The following ZBTB1 variants were observed in gnomAD, a reference collection of about 807,000 sequenced individuals.
ZBTB1 encodes the protein zinc finger and BTB domain-containing protein 1.
A neutral mutation model predicts 51.6 loss-of-function variants in ZBTB1; 13 were observed. That is an observed-to-expected ratio of 0.25 (90% CI 0.16 to 0.40). The LOEUF is 0.40. ZBTB1 is among the 10% of genes least tolerant of loss of function. The pLI, the probability that ZBTB1 is intolerant of heterozygous loss-of-function variation, is 1.00. For synonymous variants in ZBTB1, 240 were observed against 282.2 expected, an observed-to-expected ratio of 0.85 and a Z score of 1.50; for missense variants, 567 against 856.5, an observed-to-expected ratio of 0.66 and a Z score of 4.22.
chr14:64,506,550 A>G (rs549115236), intron 1 of ZBTB1, among the ~76,000 whole-genome samples: 1 of 152,290 alleles, frequency 6.6e-6, no homozygotes, highest in African/African-American at 2.4e-5. Context: ...ACAAACAACA[A>G]CAACAACAAA....
downstream of ZBTB1, among the ~76,000 whole-genome samples, chr14:64,525,976 C>T (rs960062487): frequency 2.0e-5 from 3 of 152,154 alleles, no homozygotes; most frequent in South Asian, 4.1e-4. Context: ...CATGCCACCA[C>T]GCCCGGCTAA....
At chr14:64,515,721 T>A (rs2079775780) in intron 1 of ZBTB1, among the ~76,000 whole-genome samples, 1 of 152,096 alleles carries the variant, frequency 6.6e-6, no homozygotes, top group Non-Finnish European at 1.5e-5. Context: ...AGGGTTTCAC[T>A]GTGTTAGCCA....
In ZBTB1 at chr14:64,532,059, C is replaced by T. The variant is rs191148869; in HGVS notation, c.*162C>T. The stretch of plus-strand genomic sequence containing the variant: ...TTCCAGTTGCAAAGATCCAAGAAAA[C>T]TCAGTAAAGATCACTTTGGAATCAC... On this transcript the variant is annotated 3_prime_UTR_variant, in exon 3 of 3. Coordinates refer to the ZBTB1 transcript ENST00000358738. 1.5e-5 allele frequency: 11 copies of T among 730,084 alleles called. No individual in the cohort carries two copies. In the East Asian group the frequency reaches 2.3e-4, roughly 15 times the overall value. 45.2% of individuals were successfully genotyped at this position (730,084 alleles called of 1,614,324 possible). A position where few individuals can be genotyped will look rare whatever the true frequency, so the allele number is the denominator to read the frequency against.
downstream of ZBTB1, among the ~76,000 whole-genome samples, chr14:64,525,149 T>A (rs2079894610): frequency 6.6e-6 from 1 of 152,156 alleles, no homozygotes; most frequent in African/African-American, 2.4e-5. Flanking sequence ...CCAAAAGAAC[T>A]GAGAGACATA....
In ZBTB1 at chr14:64,522,827, C is replaced by T; in HGVS notation, c.1323C>T (p.Ala441=). 6.2e-7 allele frequency: 1 copy of T among 1,614,120 alleles called. No homozygotes were observed. Among genetic ancestry groups the T allele is most frequent in the Non-Finnish European group, 8.5e-7 (1 of 1,180,018 alleles). Residue 441 remains alanine (A), a synonymous_variant, in exon 2 of 2, where the codon GCC becomes GCT. Coordinates refer to ENST00000683701, the MANE Select transcript of ZBTB1 (RefSeq NM_001123329.2). The part of the protein sequence containing the change: ...TEEDLSSHYL[A]KHIENICACG... ...AGGACCTGTCATCTCATTACTTAGCCAAACACATTGAAAATATCTGTGCAT... is the reference window on the plus strand; with the variant it reads ...AGGACCTGTCATCTCATTACTTAGCTAAACACATTGAAAATATCTGTGCAT...
intron 1 of ZBTB1, among the ~76,000 whole-genome samples, chr14:64,505,562 G>C (rs2079639392): frequency 6.6e-6 from 1 of 152,218 alleles, no homozygotes; most frequent in African/African-American, 2.4e-5. Context: ...AGCGGTGGGC[G>C]CTTACTAGAA....
chr14:64,507,104 T>G (rs1277854141), intron 1 of ZBTB1, among the ~76,000 whole-genome samples: 1 of 152,148 alleles, frequency 6.6e-6, no homozygotes, highest in Admixed American at 6.5e-5. Context: ...AAGCCTTTGG[T>G]GCAAAGGAGA....
chr14:64,533,527 G>A (rs964359813), exon 3 of ZBTB1: 1 of 152,388 alleles, frequency 6.6e-6, no homozygotes, highest in Non-Finnish European at 1.5e-5. Flanking sequence ...TAAATGTAAT[G>A]AATTATAATA....
rs887632211 is a variant in ZBTB1, at chr14:64,523,821, G to T, written c.*175G>T. 94 of 1,287,482 alleles carry T rather than the reference G, an allele frequency of 7.3e-5. No individual in the cohort carries two copies. Among genetic ancestry groups the T allele is most frequent in the Non-Finnish European group, 9.4e-5 (94 of 1,003,730 alleles). The allele number at this position is 1,287,482 out of a possible 1,614,324, so 79.8% of individuals were successfully genotyped here. On this transcript the variant is annotated 3_prime_UTR_variant, in exon 2 of 2. Transcript: ENST00000683701. This position sits in a 1 kb window ranked among gnomAD's most constrained non-coding sequence, Gnocchi z 4.5. Reference sequence around the variant, plus strand: ...AAGTATCTACATTTAGGTATTAAATGTTTATCATTTTTGTTGTTTCTTAAT... The same window carrying T: ...AAGTATCTACATTTAGGTATTAAATTTTTATCATTTTTGTTGTTTCTTAAT...
chr14:64,509,749 A>T (rs2140092443), intron 1 of ZBTB1, among the ~76,000 whole-genome samples: 1 of 151,994 alleles, frequency 6.6e-6, no homozygotes, highest in Admixed American at 6.6e-5. Context: ...AGGCAGGCGG[A>T]TCACGAGGTC....
intron 1 of ZBTB1, among the ~76,000 whole-genome samples, chr14:64,512,089 T>C (rs2079730665): frequency 6.6e-6 from 1 of 152,222 alleles, no homozygotes; most frequent in African/African-American, 2.4e-5. Context: ...TAAACTGTAA[T>C]TATGACATTA....
At chr14:64,516,522 A>G (rs2079787759) in intron 1 of ZBTB1, 2 of 152,252 alleles carry the variant, frequency 1.3e-5, no homozygotes, top group Non-Finnish European at 2.9e-5. Flanking sequence ...TAGGGGGAAT[A>G]TAGGAGTATA....
intron 1 of ZBTB1, 146 bp downstream of exon 1, chr14:64,505,092 G>T (rs901932906): frequency 2.8e-5 from 10 of 355,560 alleles, no homozygotes; most frequent in Non-Finnish European, 5.0e-5. Context: ...GCGAGGACCC[G>T]GTGACGGGCG....
chr14:64,505,016 C>T, intron 1 of ZBTB1, 70 bp downstream of exon 1: 1 of 387,588 alleles, frequency 2.6e-6, no homozygotes, highest in Non-Finnish European at 4.6e-6. Context: ...GGGCCGCGGG[C>T]CTGGCGGAGT....
chr14:64,521,278 A>G (rs1015925234), intron 1 of ZBTB1, among the ~76,000 whole-genome samples: 1 of 152,256 alleles, frequency 6.6e-6, no homozygotes, highest in Non-Finnish European at 1.5e-5. Context: ...CCTTTGTTCA[A>G]TATGAAAAGC....
At chr14:64,517,777 A>ATATATT (rs1384594161) in intron 1 of ZBTB1, among the ~76,000 whole-genome samples, 1 of 43,030 alleles carries the variant, frequency 2.3e-5, no homozygotes. Context: ...ATATATATAT[A>ATATATT]TATATTTTTT....
At chr14:64,532,602 T>C (rs529318620) in exon 3 of ZBTB1, 1 of 152,248 alleles carries the variant, frequency 6.6e-6, no homozygotes, top group South Asian at 2.1e-4. Flanking sequence ...ATTACTTCAA[T>C]AGTGGTAGAT....
intron 1 of ZBTB1, among the ~76,000 whole-genome samples, chr14:64,509,302 C>T (rs1406355264): frequency 6.6e-6 from 1 of 152,060 alleles, no homozygotes; most frequent in Admixed American, 6.6e-5. Flanking sequence ...CCTGGAAGGG[C>T]GGAGGTTGCA....
chr14:64,517,786 T>G (rs867893759), intron 1 of ZBTB1, among the ~76,000 whole-genome samples: 34 of 120,162 alleles, frequency 2.8e-4, no homozygotes, highest in Non-Finnish European at 3.5e-4. Context: ...TATATATTTT[T>G]TTTTTTTTTT....
Sources: allele counts gnomAD v4.1 joint callset (sites outside exome capture counted in the v4.1 genomes callset), GRCh38; gene constraint gnomAD v4.1.1; non-coding constraint Gnocchi (gnomAD v3.1); transcripts MANE v1.5; gene names NCBI Gene and HGNC (gene_info 2026-07-23, HGNC 2026-07-21).